ANKRD44: variants seen among roughly 807,000 people sequenced by gnomAD.
ANKRD44 encodes the protein ankyrin repeat domain 44.
ANKRD44 carries 35 observed loss-of-function variants against 116.0 expected under a neutral mutation model. The ratio of observed to expected loss-of-function variants is 0.30; its 90% confidence interval spans 0.23 to 0.40. The LOEUF is 0.40. ANKRD44 is among the 10% of genes least tolerant of loss of function. ANKRD44 has a pLI of 1.00. For synonymous variants in ANKRD44, 435 were observed against 461.8 expected (o/e 0.94, Z 0.74); for missense variants, 1,014 against 1,242.6 (o/e 0.82, Z 2.77).
At chr2:197,286,435 C>G (rs942054710) in intron 1 of ANKRD44, among the ~76,000 whole-genome samples, 1 of 150,646 alleles carries the variant, frequency 6.6e-6, no homozygotes, top group Non-Finnish European at 1.5e-5. Context: ...AGTGCAGTAG[C>G]AAGATCATAT....
chr2:197,304,368 T>C (rs1007364158), intron 1 of ANKRD44, among the ~76,000 whole-genome samples: 1 of 152,182 alleles, frequency 6.6e-6, no homozygotes, highest in African/African-American at 2.4e-5. Flanking sequence ...TATCTATGAA[T>C]TGAAGTAGGG....
intron 26 of ANKRD44, 30 bp downstream of exon 26, chr2:196,995,342 CCCTGGGT>C: frequency 4.8e-6 from 7 of 1,461,952 alleles, no homozygotes; most frequent in Non-Finnish European, 5.7e-6. Flanking sequence ...ATGACTATGA[CCCTGGGT>C]TCAAGTCCAA....
intron 16 of ANKRD44, among the ~76,000 whole-genome samples, chr2:197,050,545 C>G (rs1211124229): frequency 6.6e-6 from 1 of 151,924 alleles, no homozygotes; most frequent in Non-Finnish European, 1.5e-5. Flanking sequence ...GCCTCAGCCT[C>G]CTGAGTAGCC....
At chr2:197,031,773 T>C (rs2076712689) in intron 16 of ANKRD44, among the ~76,000 whole-genome samples, 1 of 152,190 alleles carries the variant, frequency 6.6e-6, no homozygotes, top group African/African-American at 2.4e-5. Flanking sequence ...AGACACTTTG[T>C]GTTTGTTTCT....
chr2:197,132,200 C>A (rs2079112186), intron 4 of ANKRD44, among the ~76,000 whole-genome samples: 1 of 152,166 alleles, frequency 6.6e-6, no homozygotes, highest in Non-Finnish European at 1.5e-5. Context: ...CTGGGAATCC[C>A]AGATGTGCCA....
At chr2:197,284,777 T>G (rs549539295) in intron 1 of ANKRD44, among the ~76,000 whole-genome samples, 2 of 151,220 alleles carry the variant, frequency 1.3e-5, no homozygotes, top group South Asian at 4.2e-4. Context: ...TCCTAGCTAC[T>G]GGGGAGGCTG....
chr2:197,014,668 C>T (rs1282416423), intron 17 of ANKRD44, among the ~76,000 whole-genome samples: 1 of 151,926 alleles, frequency 6.6e-6, no homozygotes, highest in African/African-American at 2.4e-5. Context: ...TGCCTGTAAT[C>T]CCAGCTACTC....
At chr2:197,229,217 T>C (rs112931181) in intron 1 of ANKRD44, among the ~76,000 whole-genome samples, 7 of 152,372 alleles carry the variant, frequency 4.6e-5, no homozygotes, top group African/African-American at 1.4e-4. Flanking sequence ...GCAAATATAA[T>C]ATGAATAATA....
chr2:197,066,057 C>T (rs1378279014), intron 16 of ANKRD44, among the ~76,000 whole-genome samples: 3 of 152,126 alleles, frequency 2.0e-5, no homozygotes, highest in Non-Finnish European at 2.9e-5. Flanking sequence ...ACTGGCAAAC[C>T]GAATCCAGCA....
chr2:197,187,644 T>TTCTCTCTCTC (rs55952976), intron 1 of ANKRD44, among the ~76,000 whole-genome samples: 16 of 134,636 alleles, frequency 1.2e-4, no homozygotes, highest in African/African-American at 3.6e-4. Context: ...CACGTTCTCA[T>TTCTCTCTCTC]TCTCTCTCTC....
At chr2:197,163,720 T>C (rs971643939) in intron 2 of ANKRD44, among the ~76,000 whole-genome samples, 1 of 152,050 alleles carries the variant, frequency 6.6e-6, no homozygotes, top group African/African-American at 2.4e-5. Context: ...CTCCACCTCC[T>C]GGGTTCAAGC....
intron 18 of ANKRD44, among the ~76,000 whole-genome samples, chr2:197,010,295 CCCACGGTCACCGAG>C (rs2076274408): frequency 6.6e-6 from 1 of 152,164 alleles, no homozygotes; most frequent in African/African-American, 2.4e-5. Flanking sequence ...GTCCCTCAGC[CCCACGGTCACCGAG>C]CCACAGGCGG....
In ANKRD44 at chr2:197,136,780, C is replaced by A. The variant is rs573700637; in HGVS notation, c.191-118G>T. Reference sequence around the variant, plus strand: ...TGACATAACCACCACCTCTTCTTTTCTTTGTATTAGTCATGTGCTGACAAG... The same window carrying A: ...TGACATAACCACCACCTCTTCTTTTATTTGTATTAGTCATGTGCTGACAAG... On this transcript the variant is annotated intron_variant, in intron 3 of 27. Transcript: ENST00000282272. 6.9e-4 allele frequency: 551 copies of A among 802,930 alleles called. 3 individuals carry two copies. In the African/African-American group the frequency reaches 7.9e-3, roughly 11 times the overall value. 49.7% of individuals were successfully genotyped at this position (802,930 alleles called of 1,614,324 possible).
chr2:197,040,831 G>A (rs1249119038), intron 16 of ANKRD44, among the ~76,000 whole-genome samples: 2 of 152,146 alleles, frequency 1.3e-5, no homozygotes, highest in African/African-American at 4.8e-5. Flanking sequence ...CTATATTAAA[G>A]TGCCTACACA....
chr2:197,112,471 A>T (rs1451560310), intron 8 of ANKRD44, among the ~76,000 whole-genome samples: 1 of 152,162 alleles, frequency 6.6e-6, no homozygotes, highest in East Asian at 1.9e-4. Context: ...GCACTTTGGG[A>T]GGCCGAGGCG....
intron 25 of ANKRD44, 57 bp from the exon 26 acceptor site, chr2:196,995,518 A>T (rs1355220274): frequency 7.8e-7 from 1 of 1,280,932 alleles, no homozygotes; most frequent in African/African-American, 1.5e-5. Context: ...AAAGTTACTG[A>T]GAAATTTCTT....
At chr2:197,269,420 C>A (rs2105770909) in intron 1 of ANKRD44, among the ~76,000 whole-genome samples, 1 of 152,214 alleles carries the variant, frequency 6.6e-6, no homozygotes, top group African/African-American at 2.4e-5. Context: ...GCAAAGATGG[C>A]CAAGATCTAT....
chr2:197,177,661 T>C (rs1345762668), intron 2 of ANKRD44, among the ~76,000 whole-genome samples: 1 of 151,996 alleles, frequency 6.6e-6, no homozygotes, highest in Non-Finnish European at 1.5e-5. Flanking sequence ...ATGGTCAGTG[T>C]AAAAAAACTT....
chr2:197,164,770 C>G (rs1171660727), intron 2 of ANKRD44, among the ~76,000 whole-genome samples: 1 of 152,170 alleles, frequency 6.6e-6, no homozygotes, highest in Non-Finnish European at 1.5e-5. Flanking sequence ...CCCAGCAATG[C>G]CTCTCAGAAG....
Sources: gnomAD v4.1 joint callset for allele counts (sites outside exome capture counted in the v4.1 genomes callset) on GRCh38, gnomAD v4.1.1 for gene constraint, MANE v1.5 for transcripts, NCBI Gene and HGNC (gene_info 2026-07-23, HGNC 2026-07-21) for gene names.